The following FTO variants were observed in gnomAD, a reference collection of about 807,000 sequenced individuals.
FTO encodes the protein FTO alpha-ketoglutarate dependent dioxygenase, also known as alpha-ketoglutarate-dependent dioxygenase FTO.
FTO carries 47 observed loss-of-function variants against 63.9 expected under a neutral mutation model. The observed-to-expected ratio is 0.74, with a 90% CI of 0.58 to 0.94. The LOEUF is 0.94. Ranked by LOEUF, FTO falls within the 40% of genes least tolerant of loss-of-function variation. The pLI is 0.00. For missense variants in FTO, 562 were observed against 618.1 expected (o/e 0.91, Z 0.96); for synonymous variants, 207 against 224.4 (o/e 0.92, Z 0.69).
intron 8 of FTO, among the ~76,000 whole-genome samples, chr16:54,090,361 T>A (rs1323680354): frequency 6.6e-6 from 1 of 152,170 alleles, no homozygotes; most frequent in Admixed American, 6.5e-5. Context: ...AGATGATAGG[T>A]TACCAGGGGC....
At chr16:53,760,807 A>G (rs1464650049) in intron 1 of FTO, among the ~76,000 whole-genome samples, 1 of 149,862 alleles carries the variant, frequency 6.7e-6, no homozygotes, top group African/African-American at 2.5e-5. Flanking sequence ...TTGTATTTTT[A>G]GTAGAGACAG....
chr16:53,945,818 T>TA (rs1283236099), intron 8 of FTO, among the ~76,000 whole-genome samples: 2 of 152,138 alleles, frequency 1.3e-5, no homozygotes, highest in African/African-American at 4.8e-5. Context: ...CTAAGTCAAG[T>TA]AATTTTGGGG....
intron 3 of FTO, among the ~76,000 whole-genome samples, chr16:53,826,972 G>A (rs772258391): frequency 1.3e-5 from 2 of 152,174 alleles, no homozygotes; most frequent in Non-Finnish European, 2.9e-5. Flanking sequence ...CTATCTTGAT[G>A]GGTGTGATTT....
intron 8 of FTO, among the ~76,000 whole-genome samples, chr16:54,104,027 T>G (rs2086694124): frequency 6.6e-6 from 1 of 152,154 alleles, no homozygotes; most frequent in Non-Finnish European, 1.5e-5. Context: ...TGGCAGGGAT[T>G]TAGATACCAT....
chr16:53,777,545 A>G (rs1292996035), intron 1 of FTO, among the ~76,000 whole-genome samples: 1 of 152,200 alleles, frequency 6.6e-6, no homozygotes. Context: ...TTACATTCAA[A>G]TGATTTTGTA....
At chr16:53,773,537 G>T (rs1029849450) in intron 1 of FTO, among the ~76,000 whole-genome samples, 1 of 152,040 alleles carries the variant, frequency 6.6e-6, no homozygotes, top group African/African-American at 2.4e-5. Context: ...ATGCTTATTT[G>T]GTGTAATAAT....
At chr16:53,920,696 C>T (rs973114610) in intron 7 of FTO, among the ~76,000 whole-genome samples, 1 of 152,036 alleles carries the variant, frequency 6.6e-6, no homozygotes, top group African/African-American at 2.4e-5. Context: ...TGTCTTTGTG[C>T]CTCAGTTTTT....
At chr16:53,999,572 G>A (rs1281679874) in intron 8 of FTO, 1 of 152,240 alleles carries the variant, frequency 6.6e-6, no homozygotes, top group Non-Finnish European at 1.5e-5. Context: ...TTCTCAGAAT[G>A]TGGTACTGCA....
In FTO at chr16:53,971,762, C is replaced by T. The variant is rs1044706419; in HGVS notation, c.1364+37653C>T. Among the ~76,000 whole-genome samples, 10 of 152,322 alleles carry T rather than the reference C, an allele frequency of 6.6e-5. No individual in the cohort carries two copies. In the East Asian group the frequency reaches 1.9e-3, roughly 29 times the overall value. ...TGGGCCAGGGCCTAAGCAGGATCCC[C>T]TTCCCGAAGAGGGGCTCTTTTGTGT... On this transcript the variant is annotated intron_variant, in intron 8 of 8. Transcript: ENST00000471389.
intron 7 of FTO, 21 bp downstream of exon 7, chr16:53,888,972 A>G: frequency 6.2e-7 from 1 of 1,613,642 alleles, no homozygotes; most frequent in Non-Finnish European, 8.5e-7. Flanking sequence ...CAGACCTGGG[A>G]CCGTGTTTTC....
chr16:53,927,970 C>T (rs1376284431), intron 7 of FTO, among the ~76,000 whole-genome samples: 3 of 152,084 alleles, frequency 2.0e-5, no homozygotes, highest in Non-Finnish European at 4.4e-5. Flanking sequence ...TAACCTAGCA[C>T]AAGGTAGATT....
intron 7 of FTO, among the ~76,000 whole-genome samples, chr16:53,908,274 G>T (rs1276259447): frequency 1.3e-5 from 2 of 152,194 alleles, no homozygotes; most frequent in East Asian, 3.8e-4. Flanking sequence ...TCCAACCATT[G>T]CATGCAAACT....
intron 8 of FTO, among the ~76,000 whole-genome samples, chr16:54,074,886 T>C (rs1010563489): frequency 2.7e-5 from 4 of 146,820 alleles, no homozygotes; most frequent in African/African-American, 5.2e-5. Flanking sequence ...TAACCAGAAC[T>C]GGAAAGAGGG....
At position 53,992,300 on chromosome 16, in the gene FTO, A is replaced by G. The variant is rs77037908; in HGVS notation, c.1364+58191A>G. On this transcript the variant is annotated intron_variant, in intron 8 of 8. Transcript: ENST00000471389. ...CGGAAGGTGCTGCAGAAATGGAAAT[A>G]GAGTGGTATATGGGCCTCTTTGCCA... 750 of 152,308 alleles carry G rather than the reference A, an allele frequency of 4.9e-3. 3 individuals are homozygous for G. Among genetic ancestry groups the G allele is most frequent in the Non-Finnish European group, 8.0e-3 (543 of 68,074 alleles). 9.4% of individuals were successfully genotyped at this position (152,308 alleles called of 1,614,324 possible).
At chr16:53,854,714 G>T (rs2079927466) in intron 4 of FTO, among the ~76,000 whole-genome samples, 1 of 152,152 alleles carries the variant, frequency 6.6e-6, no homozygotes, top group Non-Finnish European at 1.5e-5. Context: ...GACAGATAAT[G>T]TGATGCCTCC....
At position 53,768,872 on chromosome 16, in the gene FTO, C is replaced by T. The variant is rs561563496; in HGVS notation, c.46-41268C>T. Reference sequence around the variant, plus strand: ...GTGCGTTTGGTCACATCACCCCTGGCTACCACCAGTACATGACTGTTTATT... The same window carrying T: ...GTGCGTTTGGTCACATCACCCCTGGTTACCACCAGTACATGACTGTTTATT... On this transcript the variant is annotated intron_variant, in intron 1 of 8. Transcript: ENST00000471389. 4.1e-4 allele frequency among the ~76,000 whole-genome samples: 63 copies of T among 152,292 alleles called. 1 individual carries two copies. The highest frequency in any genetic ancestry group is 8.4e-4 in the Non-Finnish European group (57 of 68,032).
intron 1 of FTO, among the ~76,000 whole-genome samples, chr16:53,709,762 CATAT>C (rs1333578256): frequency 6.6e-6 from 1 of 152,136 alleles, no homozygotes; most frequent in Non-Finnish European, 1.5e-5. Context: ...TCTTTCTCGC[CATAT>C]ATATCCACAT....
Position 54,097,324 on chromosome 16 carries a change from G to GTTT in FTO, c.1365-14430_1365-14428dup, listed in dbSNP as rs113321593. Among the ~76,000 whole-genome samples, 22 of 147,190 alleles carry GTTT rather than the reference G, an allele frequency of 1.5e-4. No homozygotes were observed. The South Asian group carries it at 1.5e-3, about 10-fold the overall frequency. Reference sequence around the variant, plus strand: ...TAGGTTGTTAGCTTGCTCTTTTTTTGTTTTTTTTTTGTTGTTGTTGTTGTG... The same window carrying GTTT: ...TAGGTTGTTAGCTTGCTCTTTTTTTGTTTTTTTTTTTTTGTTGTTGTTGTTGTG... On this transcript the variant is annotated intron_variant, in intron 8 of 8. Coordinates refer to ENST00000471389, the MANE Select transcript of FTO (RefSeq NM_001080432.3).
At position 53,934,002 on chromosome 16, in the gene FTO, T is replaced by A; in HGVS notation, c.1257T>A (p.His419Gln). The stretch of plus-strand genomic sequence containing the variant: ...TCTTGTAGACAAATGCTGTGCTTCA[T>A]GAAGTTAAAAGAGAGGGGCTCCCCG... ...KMEGVTNAVLHEVKREGLPVE... is the reference protein window; with the variant it reads ...KMEGVTNAVLQEVKREGLPVE... The change falls in exon 8 of 9, where the codon CAT becomes CAA. Residue 419 changes from histidine to glutamine, a missense_variant. Physicochemically the swap from His to Gln is conservative, Grantham distance 24 (BLOSUM62 0). Coordinates refer to ENST00000471389, the MANE Select transcript of FTO (RefSeq NM_001080432.3). 1 of 1,614,018 alleles carries A rather than the reference T, an allele frequency of 6.2e-7. No homozygotes were observed. The highest frequency in any genetic ancestry group is 8.5e-7 in the Non-Finnish European group (1 of 1,179,872).
Sources: allele counts gnomAD v4.1 joint callset (sites outside exome capture counted in the v4.1 genomes callset), GRCh38; gene constraint gnomAD v4.1.1; transcripts MANE v1.5; gene names NCBI Gene and HGNC (gene_info 2026-07-23, HGNC 2026-07-21).